MYMX: variants seen among roughly 807,000 people sequenced by gnomAD.
The protein encoded by MYMX is protein myomixer.
At chr6:44,208,258 A>AAAAGAAAG in the MYMX span, among the ~76,000 whole-genome samples, 1 of 151,534 alleles carries the variant, frequency 6.6e-6, no homozygotes, top group African/African-American at 2.4e-5. Flanking sequence ...AAAAAAAAAA[A>AAAAGAAAG]AAAGAAAGAA....
the MYMX span, among the ~76,000 whole-genome samples, chr6:44,204,650 A>T: frequency 6.6e-6 from 1 of 152,124 alleles, no homozygotes; most frequent in Non-Finnish European, 1.5e-5. Context: ...CACCTGAGAG[A>T]CTTGTATCTT....
chr6:44,211,568 C>T, the MYMX span, among the ~76,000 whole-genome samples: 5 of 151,172 alleles, frequency 3.3e-5, no homozygotes, highest in Non-Finnish European at 5.9e-5. Flanking sequence ...ATAGTTAATA[C>T]AATGTATTAT....
At chr6:44,204,168 G>A in the MYMX span, among the ~76,000 whole-genome samples, 1 of 152,124 alleles carries the variant, frequency 6.6e-6, no homozygotes, top group East Asian at 1.9e-4. Context: ...TTTTAGTAAG[G>A]GAGGCAGATA....
the MYMX span, among the ~76,000 whole-genome samples, chr6:44,207,796 G>T: frequency 6.6e-6 from 1 of 152,054 alleles, no homozygotes; most frequent in Non-Finnish European, 1.5e-5. Flanking sequence ...CTCCCAAAGT[G>T]TTGGGATTAC....
At chr6:44,197,967 C>T in the MYMX span, among the ~76,000 whole-genome samples, 1 of 152,006 alleles carries the variant, frequency 6.6e-6, no homozygotes, top group Non-Finnish European at 1.5e-5. Context: ...CTCCTTCCAG[C>T]CTGCGGGGGA....
chr6:44,198,569 C>G, the MYMX span, among the ~76,000 whole-genome samples: 2 of 152,022 alleles, frequency 1.3e-5, no homozygotes, highest in Admixed American at 1.3e-4. Flanking sequence ...TGCAGTGGCG[C>G]AATCTCAGCT....
the MYMX span, among the ~76,000 whole-genome samples, chr6:44,196,080 T>G: frequency 6.6e-6 from 1 of 152,176 alleles, no homozygotes; most frequent in African/African-American, 2.4e-5. Context: ...GTAGCTGGAA[T>G]TACGGGCACC....
chr6:44,203,365 G>T, the MYMX span, among the ~76,000 whole-genome samples: 1 of 152,200 alleles, frequency 6.6e-6, no homozygotes, highest in Non-Finnish European at 1.5e-5. Context: ...TCAACTTAGC[G>T]GTTTATTTTG....
At position 44,216,976 on chromosome 6, in the gene MYMX, C is replaced by G. The variant is rs1044277341; in HGVS notation, c.-23+8C>G. On this transcript the variant is annotated splice_region_variant and intron_variant, in intron 1 of 1. Transcript: ENST00000573382. ...GAGCAGCAGTTCTGCCCGGTGAGAG[C>G]TGCCGTGGATTGGTGGGGGTAGGGG... 6.5e-6 allele frequency: 1 copy of G among 153,914 alleles called. No individual in the cohort carries two copies. Among genetic ancestry groups the G allele is most frequent in the African/African-American group, 2.4e-5 (1 of 41,542 alleles). 9.5% of individuals were successfully genotyped at this position (153,914 alleles called of 1,614,324 possible).
the MYMX span, among the ~76,000 whole-genome samples, chr6:44,195,061 G>T: frequency 2.1e-4 from 32 of 151,778 alleles, no homozygotes; most frequent in African/African-American, 6.3e-4. Context: ...TGTTGCTCAG[G>T]CTGGAGTGCA....
the MYMX span, among the ~76,000 whole-genome samples, chr6:44,206,588 G>C: frequency 6.6e-6 from 1 of 152,294 alleles, no homozygotes; most frequent in Admixed American, 6.5e-5. Flanking sequence ...GTGTTCTTGT[G>C]TAGCACACTA....
chr6:44,217,252 G>A (rs1775929102), intron 1 of MYMX, among the ~76,000 whole-genome samples, 198 bp from the exon 2 acceptor site: 1 of 152,126 alleles, frequency 6.6e-6, no homozygotes, highest in African/African-American at 2.4e-5. Context: ...CTCCCCATCT[G>A]TGCTATGGTG....
At chr6:44,193,806 G>A in the MYMX span, among the ~76,000 whole-genome samples, 2 of 152,142 alleles carry the variant, frequency 1.3e-5, no homozygotes, top group Non-Finnish European at 1.5e-5. Flanking sequence ...AAAACATGGT[G>A]AAAACCTGTC....
the MYMX span, among the ~76,000 whole-genome samples, chr6:44,201,266 G>A: frequency 1.3e-5 from 2 of 152,172 alleles, no homozygotes; most frequent in Non-Finnish European, 2.9e-5. Context: ...CTGTGATTAT[G>A]ACAGGGCTGA....
chr6:44,217,199 A>G (rs1775924505), intron 1 of MYMX, among the ~76,000 whole-genome samples: 1 of 152,052 alleles, frequency 6.6e-6, no homozygotes, highest in South Asian at 2.1e-4. Flanking sequence ...GGAGCTGGGA[A>G]CGGCAAGCTG....
rs1324834371 is a variant in MYMX, at chr6:44,217,953, A to G, written c.*227A>G. ...ACTGATTATTGCCCCTCTGTCCTCC[A>G]GCAGTTCCTCCCAAAGACCACTCCT... On this transcript the variant is annotated 3_prime_UTR_variant, in exon 2 of 2. Coordinates refer to ENST00000573382, the MANE Select transcript of MYMX (RefSeq NM_001315494.2). 1 of 375,726 alleles carries G rather than the reference A, an allele frequency of 2.7e-6. No homozygotes were observed. The highest frequency in any genetic ancestry group is 3.8e-5 in the East Asian group (1 of 26,210). The allele number at this position is 375,726 out of a possible 1,614,324, so 23.3% of individuals were successfully genotyped here. A position where few individuals can be genotyped will look rare whatever the true frequency, so the allele number is the denominator to read the frequency against.
the MYMX span, among the ~76,000 whole-genome samples, chr6:44,198,304 A>C: frequency 2.0e-5 from 3 of 150,232 alleles, no homozygotes; most frequent in African/African-American, 4.9e-5. Context: ...CTGGGACTAC[A>C]GGTGCCCGCC....
upstream of MYMX, among the ~76,000 whole-genome samples, chr6:44,213,465 A>G (rs1775706177): frequency 6.6e-6 from 1 of 150,968 alleles, no homozygotes; most frequent in Non-Finnish European, 1.5e-5. Flanking sequence ...TCTGTCACCC[A>G]GGCTGGAGTG....
chr6:44,215,296 A>G (rs1775799658), upstream of MYMX, among the ~76,000 whole-genome samples: 1 of 152,256 alleles, frequency 6.6e-6, no homozygotes, highest in Admixed American at 6.5e-5. Context: ...AAATAGGTTG[A>G]GTGCAGTGGC....
Sources: gnomAD v4.1 joint callset for allele counts (sites outside exome capture counted in the v4.1 genomes callset) on GRCh38, gnomAD v4.1.1 for gene constraint, MANE v1.5 for transcripts, NCBI Gene and HGNC (gene_info 2026-07-23, HGNC 2026-07-21) for gene names.